The following NREP variants were observed in gnomAD, a reference collection of about 807,000 sequenced individuals.
NREP encodes the protein neuronal regeneration related protein.
A neutral mutation model predicts 8.6 loss-of-function variants in NREP; 5 were observed. The observed-to-expected ratio is 0.58, with a 90% CI of 0.30 to 1.22. The LOEUF is 1.22. NREP is among the 50% of genes most tolerant of loss of function. The pLI is 0.07. For missense variants in NREP, 86 were observed against 82.5 expected (o/e 1.04, Z -0.17); for synonymous variants, 27 against 28.0 (o/e 0.96, Z 0.11).
At chr5:111,811,004 A>C (rs1282073098) in intron 2 of NREP, among the ~76,000 whole-genome samples, 2 of 152,202 alleles carry the variant, frequency 1.3e-5, no homozygotes, top group East Asian at 3.8e-4. Flanking sequence ...TAAAAAAAAC[A>C]AGGAGCTTTA....
In NREP at chr5:111,813,106, A is replaced by G. The variant is rs1034491299; in HGVS notation, c.136-77599T>C. Among the ~76,000 whole-genome samples, 4 of 152,158 alleles carry G rather than the reference A, an allele frequency of 2.6e-5. No homozygotes were observed. In the East Asian group the frequency reaches 7.7e-4, roughly 29 times the overall value. On this transcript the variant is annotated intron_variant, in intron 2 of 3. Transcript: ENST00000395634. Reference sequence around the variant, plus strand: ...AGTATATCATTTGGCTTTGAGCATCAGTATATAAAGAAGACCTTATCAAGC... The same window carrying G: ...AGTATATCATTTGGCTTTGAGCATCGGTATATAAAGAAGACCTTATCAAGC...
In NREP at chr5:111,798,469, G is replaced by A. The variant is rs371180144; in HGVS notation, c.136-62962C>T. Among the ~76,000 whole-genome samples, 4 of 151,958 alleles carry A rather than the reference G, an allele frequency of 2.6e-5. No homozygotes were observed. In the East Asian group the frequency reaches 5.8e-4, roughly 22 times the overall value. ...TGAGATTTTGGTGCACCCATCACCC[G>A]AGCAGTGTACACTGTATCCAGTGCG... On this transcript the variant is annotated intron_variant, in intron 2 of 3. Transcript: ENST00000395634.
intron 2 of NREP, among the ~76,000 whole-genome samples, chr5:111,855,735 C>G (rs1753411518): frequency 6.6e-6 from 1 of 152,162 alleles, no homozygotes; most frequent in African/African-American, 2.4e-5. Flanking sequence ...ACCTCCAACA[C>G]AGACCATCCT....
chr5:111,764,280 C>A (rs1324166057), intron 2 of NREP, among the ~76,000 whole-genome samples: 1 of 151,940 alleles, frequency 6.6e-6, no homozygotes, highest in Non-Finnish European at 1.5e-5. Flanking sequence ...GGGGGTTGGC[C>A]CAAAAAGAAA....
chr5:111,853,268 G>A (rs1753352091), intron 2 of NREP, among the ~76,000 whole-genome samples: 1 of 152,064 alleles, frequency 6.6e-6, no homozygotes, highest in African/African-American at 2.4e-5. Context: ...TGGAGCACAG[G>A]GAAATTTTAG....
chr5:111,826,585 C>A (rs1039051264), intron 2 of NREP, among the ~76,000 whole-genome samples: 1 of 152,150 alleles, frequency 6.6e-6, no homozygotes, highest in Non-Finnish European at 1.5e-5. Flanking sequence ...ACTTTAACAC[C>A]GCAGGGGTCC....
chr5:111,789,211 C>T (rs1215594767), intron 2 of NREP, among the ~76,000 whole-genome samples: 1 of 152,056 alleles, frequency 6.6e-6, no homozygotes, highest in Non-Finnish European at 1.5e-5. Flanking sequence ...TATATTGTTT[C>T]TGTTTCTCTA....
chr5:111,802,613 TG>T (rs1752040232), intron 2 of NREP, among the ~76,000 whole-genome samples: 1 of 152,178 alleles, frequency 6.6e-6, no homozygotes, highest in Non-Finnish European at 1.5e-5. Flanking sequence ...ACTGATGGCA[TG>T]AAAAATGTCA....
intron 2 of NREP, among the ~76,000 whole-genome samples, chr5:111,840,209 C>T (rs72782123): frequency 0.041 from 6,205 of 151,958 alleles, 152 homozygotes; most frequent in Non-Finnish European, 0.058. Flanking sequence ...GTATATAACA[C>T]GGTTCAGGCT....
intron 2 of NREP, among the ~76,000 whole-genome samples, chr5:111,878,722 G>T (rs1753972369): frequency 1.3e-5 from 2 of 152,184 alleles, no homozygotes; most frequent in African/African-American, 2.4e-5. Context: ...GAGGTCGACA[G>T]TCAGATAGGC....
chr5:111,947,038 G>C (rs1756006882), intron 2 of NREP, among the ~76,000 whole-genome samples: 1 of 151,930 alleles, frequency 6.6e-6, no homozygotes, highest in Non-Finnish European at 1.5e-5. Flanking sequence ...TAGGACAATG[G>C]CTATTTGTAA....
chr5:111,737,045 A>G (rs1438775737), intron 2 of NREP, among the ~76,000 whole-genome samples: 1 of 152,008 alleles, frequency 6.6e-6, no homozygotes, highest in Non-Finnish European at 1.5e-5. Flanking sequence ...AGCTAGAACT[A>G]TTTTCTTTTT....
intron 2 of NREP, among the ~76,000 whole-genome samples, chr5:111,932,873 G>A (rs952881384): frequency 5.3e-5 from 8 of 151,974 alleles, no homozygotes; most frequent in Non-Finnish European, 1.2e-4. Context: ...TCAAGTGAGT[G>A]AAGCCCCACA....
chr5:111,926,863 G>A (rs368944892), intron 2 of NREP, among the ~76,000 whole-genome samples: 1 of 151,554 alleles, frequency 6.6e-6, no homozygotes, highest in South Asian at 2.1e-4. Context: ...GGGTGCAAGT[G>A]TGACTATTTC....
At chr5:111,769,752 G>C (rs1751173695) in intron 2 of NREP, among the ~76,000 whole-genome samples, 1 of 152,092 alleles carries the variant, frequency 6.6e-6, no homozygotes, top group African/African-American at 2.4e-5. Context: ...AGAGTAAAGG[G>C]GGAAGTGCTA....
At chr5:111,945,444 C>A in intron 2 of NREP, among the ~76,000 whole-genome samples, 1 of 113,094 alleles carries the variant, frequency 8.8e-6, no homozygotes, top group Non-Finnish European at 1.7e-5. Flanking sequence ...CCCCCCACCC[C>A]ACAACAGGCC....
intron 2 of NREP, among the ~76,000 whole-genome samples, chr5:111,955,972 C>G (rs979241776): frequency 3.3e-5 from 5 of 151,582 alleles, no homozygotes; most frequent in Non-Finnish European, 7.4e-5. Context: ...ATTCACCTAA[C>G]CCCTGATTGG....
intron 3 of NREP, chr5:111,732,494 A>G (rs1229992743): frequency 6.6e-6 from 1 of 152,096 alleles, no homozygotes; most frequent in Non-Finnish European, 1.5e-5. Flanking sequence ...TTTTGGTATC[A>G]TTAAATACCA....
chr5:111,878,810 G>T (rs1367900891), intron 2 of NREP, among the ~76,000 whole-genome samples: 1 of 152,112 alleles, frequency 6.6e-6, no homozygotes, highest in Non-Finnish European at 1.5e-5. Flanking sequence ...CTGACCATCT[G>T]CAAGCTTCAG....
Sources: allele counts gnomAD v4.1 joint callset (sites outside exome capture counted in the v4.1 genomes callset), GRCh38; gene constraint gnomAD v4.1.1; transcripts MANE v1.5; gene names NCBI Gene and HGNC (gene_info 2026-07-23, HGNC 2026-07-21).